Variants in TMEM144 observed in about 807,000 individuals in gnomAD.
The protein encoded by TMEM144 is transmembrane protein 144.
Under a neutral mutation model 43.6 loss-of-function variants are expected in TMEM144, and 39 were observed. That is an observed-to-expected ratio of 0.90 (90% CI 0.69 to 1.17). The LOEUF (loss-of-function observed/expected upper bound fraction) is 1.17. TMEM144 is among the 50% of genes most tolerant of loss of function. TMEM144 has a pLI of 0.00. For synonymous variants in TMEM144, 154 were observed against 133.6 expected (o/e 1.15, Z -1.06); for missense variants, 417 against 411.9 (o/e 1.01, Z -0.11).
intron 6 of TMEM144, among the ~76,000 whole-genome samples, chr4:158,220,217 C>G (rs1455744658): frequency 6.6e-6 from 1 of 152,172 alleles, no homozygotes; most frequent in Non-Finnish European, 1.5e-5. Flanking sequence ...GAAATGTTGC[C>G]TTAGAGAGTA....
chr4:158,226,990 T>A (rs1273599531), intron 6 of TMEM144, among the ~76,000 whole-genome samples: 1 of 152,194 alleles, frequency 6.6e-6, no homozygotes, highest in Non-Finnish European at 1.5e-5. Context: ...TAGAAGTTAG[T>A]ATAATACATG....
chr4:158,230,559 A>C (rs1295362785), intron 6 of TMEM144, among the ~76,000 whole-genome samples: 1 of 152,058 alleles, frequency 6.6e-6, no homozygotes, highest in East Asian at 1.9e-4. Flanking sequence ...CAAAATGCCA[A>C]TTGATGTCTA....
In TMEM144 at chr4:158,216,830, A is replaced by C. The variant is rs548040640; in HGVS notation, c.233-491A>C. Among the ~76,000 whole-genome samples the C allele has an allele frequency of 1.8e-3, 249 of 139,516 alleles. 2 individuals carry two copies. Among genetic ancestry groups the C allele is most frequent in the African/African-American group, 5.9e-3 (231 of 38,948 alleles). The allele number at this position is 139,516 out of a possible 152,430, so 91.5% of individuals were successfully genotyped here. A position where few individuals can be genotyped will look rare whatever the true frequency, so the allele number is the denominator to read the frequency against. ...AAGAAGAGACTGTAGGACTTGAGAC[A>C]AAAAAAAAAAAATTATGTATTTGGC... On this transcript the variant is annotated intron_variant, in intron 4 of 12. Coordinates refer to ENST00000296529, the MANE Select transcript of TMEM144 (RefSeq NM_018342.5).
At chr4:158,250,954 C>T (rs1254751582) in intron 12 of TMEM144, among the ~76,000 whole-genome samples, 1 of 152,138 alleles carries the variant, frequency 6.6e-6, no homozygotes, top group Non-Finnish European at 1.5e-5. Context: ...AGAATTTTCA[C>T]CAGAGAGGGA....
At chr4:158,214,001 C>A (rs1034169112) in intron 3 of TMEM144, 1 of 152,074 alleles carries the variant, frequency 6.6e-6, no homozygotes, top group Non-Finnish European at 1.5e-5. Flanking sequence ...AATGAAGTTT[C>A]TTTTCATCTC....
intron 9 of TMEM144, among the ~76,000 whole-genome samples, chr4:158,238,939 G>T (rs1019671315): frequency 6.6e-6 from 1 of 152,078 alleles, no homozygotes; most frequent in African/African-American, 2.4e-5. Flanking sequence ...AATGAGGGGG[G>T]ATTATTTTTA....
intron 6 of TMEM144, among the ~76,000 whole-genome samples, chr4:158,227,227 C>A (rs182057494): frequency 1.3e-5 from 2 of 151,500 alleles, no homozygotes; most frequent in African/African-American, 2.4e-5. Context: ...CTGAACTGAA[C>A]TAGTGAGGTG....
rs138343621 is a variant in TMEM144, at chr4:158,218,354, G to A, written c.332+934G>A. 4.1e-3 allele frequency among the ~76,000 whole-genome samples: 631 copies of A among 152,204 alleles called. 4 individuals are homozygous for A. The highest frequency in any genetic ancestry group is 0.015 in the South Asian group (70 of 4,824). On this transcript the variant is annotated intron_variant, in intron 5 of 12. Transcript: ENST00000296529. ...ATTCAAATCAATTTTGGGAAAATGA[G>A]TGGAATGTGGGGTGTTATTCTCACT...
Position 158,219,397 on chromosome 4 carries a change from A to C in TMEM144, c.413+7A>C. ...CTGGGCTATCAGTAGTAAGGTACAC[A>C]GTCATTTCTAGTGATTTTGCTGTTC... On this transcript the variant is annotated splice_region_variant and intron_variant, in intron 6 of 12. Transcript: ENST00000296529. 1 of 1,611,064 alleles carries C rather than the reference A, an allele frequency of 6.2e-7. No individual in the cohort carries two copies. The highest frequency in any genetic ancestry group is 8.5e-7 in the Non-Finnish European group (1 of 1,177,594).
intron 5 of TMEM144, among the ~76,000 whole-genome samples, chr4:158,217,663 A>T (rs1253650053): frequency 1.3e-5 from 2 of 152,218 alleles, no homozygotes; most frequent in Non-Finnish European, 2.9e-5. Context: ...AGAGAGAAAA[A>T]GGAAACTGAT....
chr4:158,236,034 T>G (rs1314231295), intron 8 of TMEM144, among the ~76,000 whole-genome samples: 1 of 152,192 alleles, frequency 6.6e-6, no homozygotes, highest in Non-Finnish European at 1.5e-5. Context: ...CATCAGCCCC[T>G]CTACTTTAGG....
chr4:158,217,327 T>C lies in TMEM144; in HGVS notation c.239T>C (p.Ile80Thr). Residue 80 changes from isoleucine to threonine, a missense_variant, in exon 5 of 13, where the codon ATT becomes ACT. By Grantham distance (89) the Ile-to-Thr change is moderately conservative. Coordinates refer to ENST00000296529, the MANE Select transcript of TMEM144 (RefSeq NM_018342.5). ...CTGTATATTACATCTACAGGGAACA[T>C]TGCTGTTGTCCCAATTATCAAAACC... ...LGGCIWATGN[I>T]AVVPIIKTIG... The C allele has an allele frequency of 6.2e-7, 1 of 1,608,458 alleles. No homozygotes were observed. Among genetic ancestry groups the C allele is most frequent in the Non-Finnish European group, 8.5e-7 (1 of 1,175,296 alleles).
rs184280031 is a variant in TMEM144, at chr4:158,233,044, A to G, written c.495+62A>G. The stretch of plus-strand genomic sequence containing the variant: ...TAAAATTAAGATAAATGGATAATAC[A>G]TAAATTTTAAACACAGATGAAAAAG... On this transcript the variant is annotated intron_variant, in intron 7 of 12. Coordinates refer to ENST00000296529, the MANE Select transcript of TMEM144 (RefSeq NM_018342.5). The G allele has an allele frequency of 1.2e-4, 154 of 1,282,408 alleles. 3 individuals carry two copies. In the Admixed American group the frequency reaches 3.4e-3, roughly 28 times the overall value. 79.4% of individuals were successfully genotyped at this position (1,282,408 alleles called of 1,614,324 possible).
chr4:158,217,878 C>T (rs1183953901), intron 5 of TMEM144, among the ~76,000 whole-genome samples: 3 of 152,192 alleles, frequency 2.0e-5, no homozygotes, highest in Non-Finnish European at 2.9e-5. Flanking sequence ...ATTCTTTCCT[C>T]TAGAGCAGGG....
At position 158,241,611 on chromosome 4, in the gene TMEM144, G is replaced by T; in HGVS notation, c.900+5G>T. 6.2e-7 allele frequency: 1 copy of T among 1,611,978 alleles called. No homozygotes were observed. The highest frequency in any genetic ancestry group is 8.5e-7 in the Non-Finnish European group (1 of 1,178,400). Reference sequence around the variant, plus strand: ...AGTTTTCCAATAATCACTGCTGTAAGTAGCTGAACTGGTTTTCCTAATTTT... The same window carrying T: ...AGTTTTCCAATAATCACTGCTGTAATTAGCTGAACTGGTTTTCCTAATTTT... On this transcript the variant is annotated splice_donor_5th_base_variant and intron_variant, in intron 11 of 12. Coordinates refer to ENST00000296529, the MANE Select transcript of TMEM144 (RefSeq NM_018342.5).
At chr4:158,244,605 G>A (rs2111148006) in intron 12 of TMEM144, among the ~76,000 whole-genome samples, 1 of 152,280 alleles carries the variant, frequency 6.6e-6, no homozygotes, top group Non-Finnish European at 1.5e-5. Context: ...GGGAGGCGGA[G>A]GTTGCAGTGA....
chr4:158,244,482 C>T (rs538443071), intron 12 of TMEM144, 133 bp downstream of exon 12: 15 of 635,812 alleles, frequency 2.4e-5, no homozygotes, highest in Admixed American at 5.7e-5. Flanking sequence ...CCAGCCTGGC[C>T]GAGATGGTGA....
intron 11 of TMEM144, among the ~76,000 whole-genome samples, chr4:158,243,344 G>A (rs1031540182): frequency 1.3e-5 from 2 of 152,164 alleles, no homozygotes; most frequent in African/African-American, 4.8e-5. Context: ...TAAACAGAGA[G>A]GAGTGTATTT....
At chr4:158,230,633 G>C (rs898253815) in intron 6 of TMEM144, among the ~76,000 whole-genome samples, 11 of 151,150 alleles carry the variant, frequency 7.3e-5, no homozygotes, top group African/African-American at 2.7e-4. Flanking sequence ...ACACAAATAT[G>C]TGTGTGTAAA....
Sources: gnomAD v4.1 joint callset for allele counts (sites outside exome capture counted in the v4.1 genomes callset) on GRCh38, gnomAD v4.1.1 for gene constraint, MANE v1.5 for transcripts, NCBI Gene and HGNC (gene_info 2026-07-23, HGNC 2026-07-21) for gene names.